Variants in ZNF148 observed in about 807,000 individuals in gnomAD.
ZNF148 encodes zinc finger protein 148.
ZNF148 carries 7 observed loss-of-function variants against 67.7 expected under a neutral mutation model. That is an observed-to-expected ratio of 0.10 (90% confidence interval 0.06 to 0.19). The LOEUF (loss-of-function observed/expected upper bound fraction) is 0.19. Among genes scored for constraint, ZNF148 ranks in the 10% least tolerant of loss-of-function variants. The pLI, the probability that ZNF148 is intolerant of heterozygous loss-of-function variation, is 1.00. For synonymous variants in ZNF148, 333 were observed against 330.7 expected (o/e 1.01, Z -0.08); for missense variants, 583 against 947.1 (o/e 0.62, Z 5.05).
intron 1 of ZNF148, chr3:125,357,109 G>T (rs1407159365): frequency 1.3e-5 from 2 of 152,228 alleles, no homozygotes; most frequent in African/African-American, 4.8e-5. Flanking sequence ...ACTTGTTAGT[G>T]GCTGCGGAGA....
chr3:125,239,179 T>A (rs1386811682), intron 7 of ZNF148, among the ~76,000 whole-genome samples: 2 of 152,204 alleles, frequency 1.3e-5, no homozygotes, highest in Non-Finnish European at 2.9e-5. Context: ...ATGTACTTAA[T>A]GTCACTGAAT....
At chr3:125,307,677 C>G (rs1053882629) in intron 4 of ZNF148, among the ~76,000 whole-genome samples, 1 of 152,140 alleles carries the variant, frequency 6.6e-6, no homozygotes, top group Non-Finnish European at 1.5e-5. Flanking sequence ...AACAGTCTCA[C>G]TCTGTCACCC....
chr3:125,241,543 T>C (rs913132371), intron 7 of ZNF148, among the ~76,000 whole-genome samples: 1 of 152,166 alleles, frequency 6.6e-6, no homozygotes, highest in South Asian at 2.1e-4. Context: ...ATCTTTTCTT[T>C]TTCCTTCAGT....
chr3:125,294,054 T>C (rs1330892534), intron 4 of ZNF148, among the ~76,000 whole-genome samples: 1 of 152,206 alleles, frequency 6.6e-6, no homozygotes, highest in African/African-American at 2.4e-5. Flanking sequence ...GTGCCCCCGA[T>C]ATGATGCACT....
At chr3:125,276,433 T>TTTTA (rs555899213) in intron 7 of ZNF148, among the ~76,000 whole-genome samples, 1 of 151,540 alleles carries the variant, frequency 6.6e-6, no homozygotes, top group Non-Finnish European at 1.5e-5. Context: ...TATTTATTTA[T>TTTTA]TTTATTTATT....
intron 7 of ZNF148, among the ~76,000 whole-genome samples, chr3:125,236,659 A>G (rs1936106018): frequency 6.6e-6 from 1 of 152,202 alleles, no homozygotes; most frequent in Non-Finnish European, 1.5e-5. Context: ...CAGGAATGTA[A>G]CTTCAGTAAT....
intron 7 of ZNF148, among the ~76,000 whole-genome samples, chr3:125,242,473 C>T (rs141472910): frequency 6.6e-6 from 1 of 152,102 alleles, no homozygotes; most frequent in African/African-American, 2.4e-5. Flanking sequence ...AAATACAAAA[C>T]TTAGCCAAGC....
At chr3:125,268,222 A>G (rs151250015) in intron 7 of ZNF148, among the ~76,000 whole-genome samples, 1 of 132,040 alleles carries the variant, frequency 7.6e-6, no homozygotes, top group East Asian at 2.0e-4. Flanking sequence ...AACTATTCTA[A>G]AATTTATATA....
chr3:125,256,787 G>C (rs1937099494), intron 7 of ZNF148, among the ~76,000 whole-genome samples: 1 of 152,162 alleles, frequency 6.6e-6, no homozygotes, highest in Non-Finnish European at 1.5e-5. Context: ...TGAGAGAAGT[G>C]AGGAATCCCA....
At chr3:125,293,626 T>G (rs1309022122) in intron 4 of ZNF148, among the ~76,000 whole-genome samples, 1 of 152,146 alleles carries the variant, frequency 6.6e-6, no homozygotes, top group East Asian at 1.9e-4. Flanking sequence ...GAGCTCCTAA[T>G]GACCAAAGAT....
chr3:125,280,542 G>A (rs575453780), intron 5 of ZNF148, among the ~76,000 whole-genome samples: 59 of 151,862 alleles, frequency 3.9e-4, no homozygotes, highest in African/African-American at 1.4e-3. Context: ...TTAGCCAGGT[G>A]TGGTGGCACA....
chr3:125,231,687 T>C lies in ZNF148; in HGVS notation c.*654A>G, dbSNP rs1935860442. 4 of 152,614 alleles carry C rather than the reference T, an allele frequency of 2.6e-5. No homozygotes were observed. Among genetic ancestry groups the C allele is most frequent in the Admixed American group, 2.0e-4 (3 of 15,260 alleles). 9.5% of individuals were successfully genotyped at this position (152,614 alleles called of 1,614,324 possible). Reference sequence around the variant, plus strand: ...TGTTTTGGTAAAAGTTCTGAAAGTATGCATATTTTTAAAGTAATTAGGCTT... The same window carrying C: ...TGTTTTGGTAAAAGTTCTGAAAGTACGCATATTTTTAAAGTAATTAGGCTT... On this transcript the variant is annotated 3_prime_UTR_variant, in exon 9 of 9. Coordinates refer to ENST00000360647, the MANE Select transcript of ZNF148 (RefSeq NM_021964.3).
chr3:125,278,876 T>C (rs1938216075), intron 6 of ZNF148, among the ~76,000 whole-genome samples: 1 of 152,186 alleles, frequency 6.6e-6, no homozygotes, highest in Non-Finnish European at 1.5e-5. Context: ...TTTCTCTAGC[T>C]AAATGGAGCA....
intron 4 of ZNF148, among the ~76,000 whole-genome samples, chr3:125,303,630 G>A (rs1409237285): frequency 6.6e-6 from 1 of 151,994 alleles, no homozygotes. Flanking sequence ...CTCCCACATG[G>A]GATGGTCTAG....
At chr3:125,238,536 G>A (rs1936197857) in intron 7 of ZNF148, among the ~76,000 whole-genome samples, 1 of 152,106 alleles carries the variant, frequency 6.6e-6, no homozygotes, top group South Asian at 2.1e-4. Flanking sequence ...GCTGAGGCAG[G>A]AGAATCACTT....
intron 8 of ZNF148, 112 bp downstream of exon 8, chr3:125,234,099 G>GT (rs1212384895): frequency 8.1e-7 from 1 of 1,233,092 alleles, no homozygotes; most frequent in Non-Finnish European, 1.1e-6. Context: ...AATCTAATCT[G>GT]TAAGAGTTAG....
At chr3:125,340,757 C>T (rs895943872) in intron 1 of ZNF148, among the ~76,000 whole-genome samples, 12 of 151,904 alleles carry the variant, frequency 7.9e-5, no homozygotes, top group East Asian at 1.9e-4. Flanking sequence ...GAGGCCGAGG[C>T]GGGCGGATCA....
rs920827016 is a variant in ZNF148 at position 125,235,039 on chromosome 3, AG to A, written c.668-711del. Among the ~76,000 whole-genome samples, 66 of 152,234 alleles carry A rather than the reference AG, an allele frequency of 4.3e-4. 1 individual carries two copies. Among genetic ancestry groups the A allele is most frequent in the Non-Finnish European group, 4.7e-4 (32 of 68,042 alleles). ...CCCCGCAATGATTTCTAAGCTGTAA[AG>A]AACCACTACTATGAAGCTCTAAAAT... is the stretch of plus-strand genomic sequence containing the variant. On this transcript the variant is annotated intron_variant, in intron 7 of 8. Coordinates refer to ENST00000360647, the MANE Select transcript of ZNF148 (RefSeq NM_021964.3).
At chr3:125,350,546 G>A (rs185162047) in intron 1 of ZNF148, among the ~76,000 whole-genome samples, 81 of 152,194 alleles carry the variant, frequency 5.3e-4, no homozygotes, top group African/African-American at 1.4e-3. Flanking sequence ...CTGGTTTCAC[G>A]GAAGACAATT....
Sources: allele counts gnomAD v4.1 joint callset (sites outside exome capture counted in the v4.1 genomes callset), GRCh38; gene constraint gnomAD v4.1.1; transcripts MANE v1.5; gene names NCBI Gene and HGNC (gene_info 2026-07-23, HGNC 2026-07-21).